Variants in RPS6KA6 observed in about 807,000 individuals in gnomAD.
RPS6KA6 encodes the protein ribosomal protein S6 kinase alpha-6.
In RPS6KA6, 27 loss-of-function variants were observed where a neutral mutation model predicts 65.4. The ratio of observed to expected loss-of-function variants is 0.41; its 90% CI spans 0.30 to 0.57. The LOEUF is 0.57. Ranked by LOEUF, RPS6KA6 falls within the 20% of genes least tolerant of loss-of-function variation. RPS6KA6 has a pLI of 0.24. For synonymous variants in RPS6KA6, 190 were observed against 184.2 expected (o/e 1.03, Z -0.26); for missense variants, 486 against 555.6 (o/e 0.87, Z 1.26).
rs138422046 is a variant in RPS6KA6 at position 84,135,941 on chromosome X, C to T, written c.502-731G>A. ...TGTAATATCAGACATGTCACTTAGCCCTTTGGGCCTCAGTTTCTAAATCTG... is the reference window on the plus strand; with the variant it reads ...TGTAATATCAGACATGTCACTTAGCTCTTTGGGCCTCAGTTTCTAAATCTG... On this transcript the variant is annotated intron_variant, in intron 6 of 21. Coordinates refer to ENST00000262752, the MANE Select transcript of RPS6KA6 (RefSeq NM_014496.5). Among the ~76,000 whole-genome samples the T allele has an allele frequency of 2.6e-3, 294 of 111,663 alleles. 1 individual carries two copies. Among genetic ancestry groups the T allele is most frequent in the Middle Eastern group, 4.6e-3 (1 of 216 alleles).
At chrX:84,159,123 C>T (rs188847581) in intron 2 of RPS6KA6, among the ~76,000 whole-genome samples, 30 of 110,822 alleles carry the variant, frequency 2.7e-4, no homozygotes, top group African/African-American at 8.5e-4. Flanking sequence ...ATCATTTCTA[C>T]GCCACTAGCT....
intron 12 of RPS6KA6, among the ~76,000 whole-genome samples, chrX:84,114,325 C>CA (rs1266933220): frequency 9.1e-6 from 1 of 109,476 alleles, no homozygotes; most frequent in Non-Finnish European, 1.9e-5. Context: ...TCATCTTTAC[C>CA]AAAAAAATTT....
At position 84,120,029 on chromosome X, in the gene RPS6KA6, T is replaced by C; in HGVS notation, c.647-2A>G. 1 of 1,153,917 alleles carries C rather than the reference T, an allele frequency of 8.7e-7. No individual in the cohort carries two copies. Among genetic ancestry groups the C allele is most frequent in the Non-Finnish European group, 1.2e-6 (1 of 866,583 alleles). On this transcript the variant is annotated splice_acceptor_variant, in intron 8 of 21. Coordinates refer to ENST00000262752, the MANE Select transcript of RPS6KA6 (RefSeq NM_014496.5). LOFTEE classifies it high-confidence loss of function. The stretch of plus-strand genomic sequence containing the variant: ...CTGACTCCTTGCTGAGTCCAAAATC[T>C]ATAATAACAGTATTACCAAAAAATG...
chrX:84,118,394 T>C (rs2034608188), intron 9 of RPS6KA6, among the ~76,000 whole-genome samples: 1 of 111,123 alleles, frequency 9.0e-6, no homozygotes, highest in African/African-American at 3.3e-5. Flanking sequence ...GGAAGGATCG[T>C]ATATAGGACT....
chrX:84,154,344 T>C (rs772395765), intron 3 of RPS6KA6, among the ~76,000 whole-genome samples: 1 of 111,237 alleles, frequency 9.0e-6, no homozygotes, highest in Non-Finnish European at 1.9e-5. Context: ...CTTAAATCCT[T>C]TCTGGAACAA....
rs1435486302 is a variant in RPS6KA6, at chrX:84,106,961, T to G, written c.1191A>C (p.Glu397Asp). The G allele has an allele frequency of 2.5e-6, 3 of 1,197,282 alleles. No individual in the cohort carries two copies. In the South Asian group the frequency reaches 5.4e-5, roughly 21 times the overall value. The change falls in exon 14 of 22, where the codon GAA (glutamate) becomes GAC (aspartate). Residue 397 changes from glutamate to aspartate, a missense_variant. Glu to Asp is a conservative substitution (Grantham distance 45). This residue lies in a region of RPS6KA6 where 345 missense variants were observed against 375.0 expected (regional missense o/e 0.92). Transcript: ENST00000262752. ...GFSFVATSIA[E>D]EYKITPITSA... ...TTGTGATAGGAGTGATTTTATATTC[T>G]TCTGCAATAGAAGTTGCAACAAAGC... is the stretch of plus-strand genomic sequence containing the variant.
chrX:84,107,505 T>C (rs767289037), intron 13 of RPS6KA6, 118 bp downstream of exon 13: 5 of 436,727 alleles, frequency 1.1e-5, no homozygotes, highest in Non-Finnish European at 1.9e-5. Flanking sequence ...ATATTTCCCA[T>C]GGACAAATCA....
intron 20 of RPS6KA6, among the ~76,000 whole-genome samples, chrX:84,068,185 G>A (rs1225394289): frequency 1.8e-5 from 2 of 111,128 alleles, no homozygotes. Flanking sequence ...AAAGACCAAT[G>A]ACAATATGAG....
chrX:84,083,117 A>T (rs1023709890), intron 20 of RPS6KA6, among the ~76,000 whole-genome samples: 13 of 112,760 alleles, frequency 1.2e-4, no homozygotes, highest in African/African-American at 4.2e-4. Context: ...TAAACTAAAG[A>T]GCTTTTGCAT....
rs2033250639 is a variant in RPS6KA6 at position 84,058,819 on chromosome X, A to G, written c.*5458T>C. Reference sequence around the variant, plus strand: ...TGCAATGAAATGTCAGTATATACATATATATTTAATATCAGAAATAAGTTT... The same window carrying G: ...TGCAATGAAATGTCAGTATATACATGTATATTTAATATCAGAAATAAGTTT... On this transcript the variant is annotated 3_prime_UTR_variant, in exon 22 of 22. Transcript: ENST00000262752. 1 of 111,226 alleles carries G rather than the reference A, an allele frequency of 9.0e-6. No homozygotes were observed. The highest frequency in any genetic ancestry group is 3.3e-5 in the African/African-American group (1 of 30,604). The allele number at this position is 111,226 out of a possible 1,213,427, so 9.2% of individuals were successfully genotyped here.
chrX:84,170,741 C>T (rs146123234), intron 1 of RPS6KA6, among the ~76,000 whole-genome samples: 1,196 of 111,541 alleles, frequency 0.011, 19 homozygotes, highest in African/African-American at 0.034. Context: ...GTGTTGGACA[C>T]TCTAAGATAG....
chrX:84,147,125 A>C lies in RPS6KA6; in HGVS notation c.341-67T>G, dbSNP rs1021205887. 27 of 598,397 alleles carry C rather than the reference A, an allele frequency of 4.5e-5. No individual in the cohort carries two copies. The African/African-American group carries it at 6.0e-4, about 13-fold the overall frequency. 49.3% of individuals were successfully genotyped at this position (598,397 alleles called of 1,213,427 possible). A position where few individuals can be genotyped will look rare whatever the true frequency, so the allele number is the denominator to read the frequency against. Reference sequence around the variant, plus strand: ...CATTTCAGTTAAGAGTCCATCAATAATTTACCAAACAACAAATATAAAAAT... The same window carrying C: ...CATTTCAGTTAAGAGTCCATCAATACTTTACCAAACAACAAATATAAAAAT... On this transcript the variant is annotated intron_variant, in intron 4 of 21. Transcript: ENST00000262752.
intron 20 of RPS6KA6, among the ~76,000 whole-genome samples, chrX:84,077,080 T>A (rs899222996): frequency 4.5e-5 from 5 of 111,629 alleles, no homozygotes; most frequent in African/African-American, 1.6e-4. Flanking sequence ...TATAAAACAT[T>A]GTTGAGAGAA....
chrX:84,064,909 C>A, intron 21 of RPS6KA6, 62 bp downstream of exon 21: 2 of 873,390 alleles, frequency 2.3e-6, no homozygotes, highest in Non-Finnish European at 3.3e-6. Flanking sequence ...CAGCAAGTGG[C>A]ACACAATGGG....
In RPS6KA6 at chrX:84,104,566, G is replaced by A. The variant is rs1201282133; in HGVS notation, c.1547C>T (p.Ser516Leu). Residue 516 changes from serine to leucine, a missense_variant, in exon 17 of 22, where the codon TCG (serine) becomes TTG (leucine). Ser to Leu is a moderately radical substitution (Grantham distance 145). Transcript: ENST00000262752. Reference sequence around the variant, plus strand: ...TAGTATATCACTAGCCTCCCGTTCCGAGAAACATTTTTGTTTGAGAATACG... The same window carrying A: ...TAGTATATCACTAGCCTCCCGTTCCAAGAAACATTTTTGTTTGAGAATACG... ...LDRILKQKCFSEREASDILYV... is the reference protein window; with the variant it reads ...LDRILKQKCFLEREASDILYV... 39 of 1,184,693 alleles carry A rather than the reference G, an allele frequency of 3.3e-5. No homozygotes were observed. Among genetic ancestry groups the A allele is most frequent in the African/African-American group, 7.1e-5 (4 of 56,337 alleles).
intron 2 of RPS6KA6, 110 bp from the exon 3 acceptor site, chrX:84,156,301 G>C (rs2035415247): frequency 4.4e-6 from 2 of 453,131 alleles, no homozygotes; most frequent in Admixed American, 3.4e-5. Flanking sequence ...CAATGTAGCA[G>C]AGAGTTTTAT....
chrX:84,182,059 TCTCTCACACA>T (rs1222875869), intron 1 of RPS6KA6, among the ~76,000 whole-genome samples: 38 of 75,523 alleles, frequency 5.0e-4, no homozygotes, highest in African/African-American at 1.9e-3. Context: ...TCTCTCTCTC[TCTCTCACACA>T]CACACACACA....
intron 20 of RPS6KA6, among the ~76,000 whole-genome samples, chrX:84,087,956 C>A (rs181838125): frequency 8.9e-6 from 1 of 112,237 alleles, no homozygotes; most frequent in Admixed American, 9.5e-5. Flanking sequence ...GCTACTGATA[C>A]TTGTGATTAC....
chrX:84,119,055 G>A (rs182120692), intron 9 of RPS6KA6, among the ~76,000 whole-genome samples: 6 of 111,657 alleles, frequency 5.4e-5, no homozygotes, highest in Non-Finnish European at 1.1e-4. Flanking sequence ...CCATCCTTCA[G>A]GGCTTAATTT....
Sources: allele counts gnomAD v4.1 joint callset (sites outside exome capture counted in the v4.1 genomes callset), GRCh38; gene constraint gnomAD v4.1.1; regional missense constraint gnomAD v4.1.1; transcripts MANE v1.5; gene names NCBI Gene and HGNC (gene_info 2026-07-23, HGNC 2026-07-21).